The following FRMPD4 variants were observed in gnomAD, a reference collection of about 807,000 sequenced individuals.
The protein encoded by FRMPD4 is FERM and PDZ domain containing 4.
Under a neutral mutation model 94.1 loss-of-function variants are expected in FRMPD4, and 22 were observed. That is an observed-to-expected ratio of 0.23 (90% CI 0.17 to 0.33). The LOEUF is 0.33. FRMPD4 is among the 10% of genes least tolerant of loss of function. The probability of loss-of-function intolerance (pLI) is 1.00; values close to 1 mark genes in which losing one functional copy is unlikely to be tolerated. For synonymous variants in FRMPD4, 631 were observed against 548.6 expected (o/e 1.15, Z -2.10); for missense variants, 1,111 against 1,339.9 (o/e 0.83, Z 2.67).
At chrX:11,945,643 G>A (rs1355173956) in intron 3 of FRMPD4, among the ~76,000 whole-genome samples, 2 of 111,626 alleles carry the variant, frequency 1.8e-5, no homozygotes, top group Admixed American at 9.5e-5. Context: ...ATGGTGGAAG[G>A]GTGAAGGAGG....
intron 2 of FRMPD4, among the ~76,000 whole-genome samples, chrX:12,506,151 G>A (rs2057982893): frequency 8.9e-6 from 1 of 111,746 alleles, no homozygotes. Flanking sequence ...ATGATTTTTA[G>A]GACCTGTTGC....
intron 3 of FRMPD4, among the ~76,000 whole-genome samples, chrX:12,070,684 G>A (rs1390337691): frequency 1.8e-5 from 2 of 111,783 alleles, no homozygotes; most frequent in Non-Finnish European, 3.8e-5. Flanking sequence ...CAGAGCCCTC[G>A]TCACTACTGG....
At chrX:11,927,792 A>G (rs2054097847) in intron 3 of FRMPD4, among the ~76,000 whole-genome samples, 1 of 112,118 alleles carries the variant, frequency 8.9e-6, no homozygotes, top group Admixed American at 9.4e-5. Context: ...AAGTATAAAA[A>G]CCCTGAAAGA....
chrX:12,077,762 TTC>T (rs745971579), intron 3 of FRMPD4, among the ~76,000 whole-genome samples: 2 of 107,811 alleles, frequency 1.9e-5, no homozygotes, highest in Non-Finnish European at 3.9e-5. Flanking sequence ...ACCTGCAGAC[TTC>T]TCTCTCTCTC....
intron 1 of FRMPD4, among the ~76,000 whole-genome samples, chrX:12,192,411 T>A (rs1219906125): frequency 8.9e-6 from 1 of 112,116 alleles, no homozygotes; most frequent in African/African-American, 3.2e-5. Context: ...TTTGACACTT[T>A]GCCTGGAGAA....
intron 3 of FRMPD4, among the ~76,000 whole-genome samples, chrX:12,040,671 G>T: frequency 9.7e-6 from 1 of 103,359 alleles, no homozygotes; most frequent in South Asian, 4.7e-4. Context: ...GGGACTACAG[G>T]CACCCGCCAC....
intron 1 of FRMPD4, among the ~76,000 whole-genome samples, chrX:11,842,066 G>C (rs1350791594): frequency 9.2e-6 from 1 of 108,560 alleles, no homozygotes; most frequent in African/African-American, 3.4e-5. Flanking sequence ...GTAGATATGT[G>C]GCGTTATTTC....
chrX:12,547,344 G>A (rs1464979909), intron 2 of FRMPD4, among the ~76,000 whole-genome samples: 1 of 111,699 alleles, frequency 9.0e-6, no homozygotes, highest in Non-Finnish European at 1.9e-5. Flanking sequence ...CTATAGTCCA[G>A]GGGTCAGCAA....
At chrX:12,167,804 T>A (rs2056146711) in intron 1 of FRMPD4, among the ~76,000 whole-genome samples, 1 of 112,195 alleles carries the variant, frequency 8.9e-6, no homozygotes, top group African/African-American at 3.2e-5. Flanking sequence ...ATAACTTGAT[T>A]TGATATATAT....
At chrX:12,501,260 A>G (rs144217084) in intron 2 of FRMPD4, among the ~76,000 whole-genome samples, 2 of 112,769 alleles carry the variant, frequency 1.8e-5, no homozygotes, top group East Asian at 5.5e-4. Context: ...CAAGTTTTAA[A>G]ACCAAAGTCA....
intron 1 of FRMPD4, among the ~76,000 whole-genome samples, chrX:12,215,203 G>T (rs1263034130): frequency 9.0e-6 from 1 of 110,961 alleles, no homozygotes; most frequent in Non-Finnish European, 1.9e-5. Flanking sequence ...AGGTTTTTTT[G>T]AGAGGCATTT....
intron 2 of FRMPD4, among the ~76,000 whole-genome samples, chrX:12,529,163 T>C (rs1442453149): frequency 8.9e-6 from 1 of 112,037 alleles, no homozygotes; most frequent in Admixed American, 9.4e-5. Context: ...AGGATCTGCT[T>C]CCAAGCTCAC....
At chrX:12,106,433 C>T (rs545382880) in intron 3 of FRMPD4, among the ~76,000 whole-genome samples, 90 of 110,256 alleles carry the variant, frequency 8.2e-4, no homozygotes, top group South Asian at 5.1e-3. Context: ...GGTTCCAAGA[C>T]GGCCAAATAG....
intron 1 of FRMPD4, among the ~76,000 whole-genome samples, chrX:12,321,891 A>G (rs368012486): frequency 3.6e-5 from 4 of 111,964 alleles, no homozygotes; most frequent in South Asian, 3.8e-4. Context: ...GTGAACTCAG[A>G]TGGATTGACA....
chrX:12,196,536 C>G (rs2056569202), intron 1 of FRMPD4, among the ~76,000 whole-genome samples: 1 of 109,984 alleles, frequency 9.1e-6, no homozygotes, highest in African/African-American at 3.3e-5. Flanking sequence ...TCTAGTTAAC[C>G]TCAGTGTACA....
At chrX:12,379,506 A>G (rs2056289315) in intron 1 of FRMPD4, among the ~76,000 whole-genome samples, 1 of 111,894 alleles carries the variant, frequency 8.9e-6, no homozygotes, top group Non-Finnish European at 1.9e-5. Flanking sequence ...TAGATCTTCA[A>G]GGTATTTTCT....
intron 1 of FRMPD4, among the ~76,000 whole-genome samples, chrX:12,317,734 A>G (rs182810841): frequency 8.9e-6 from 1 of 111,991 alleles, no homozygotes; most frequent in East Asian, 2.8e-4. Flanking sequence ...ATTATCAAGG[A>G]AATGCAAATC....
chrX:12,186,062 T>C (rs936821344), intron 1 of FRMPD4, among the ~76,000 whole-genome samples: 12 of 111,893 alleles, frequency 1.1e-4, no homozygotes, highest in Admixed American at 7.6e-4. Flanking sequence ...TCTGCTTTCA[T>C]GTCTTTTATT....
chrX:12,657,369 G>A (rs111728215), intron 4 of FRMPD4, among the ~76,000 whole-genome samples: 14 of 111,819 alleles, frequency 1.3e-4, no homozygotes, highest in Non-Finnish European at 1.7e-4. Flanking sequence ...ACTTTTGGCC[G>A]GGACCTCCCT....
Sources: gnomAD v4.1 joint callset for allele counts (sites outside exome capture counted in the v4.1 genomes callset) on GRCh38, gnomAD v4.1.1 for gene constraint, MANE v1.5 for transcripts, NCBI Gene and HGNC (gene_info 2026-07-23, HGNC 2026-07-21) for gene names.